CD55: variants seen among roughly 807,000 people sequenced by gnomAD.
CD55 encodes the protein CD55 molecule (Cromer blood group).
In CD55, 41 loss-of-function variants were observed where a neutral mutation model predicts 45.8. The observed-to-expected ratio is 0.90, with a 90% CI of 0.70 to 1.16. The LOEUF is 1.16. Among genes scored for constraint, CD55 ranks in the 50% most tolerant of loss-of-function variants. The pLI, the probability that CD55 is intolerant of heterozygous loss-of-function variation, is 0.00. For missense variants in CD55, 416 were observed against 469.8 expected, an observed-to-expected ratio of 0.89 and a Z score of 1.06; for synonymous variants, 181 against 181.1, an observed-to-expected ratio of 1.00 and a Z score of 0.01.
At position 207,337,373 on chromosome 1, in the gene CD55, G is replaced by T. The variant is rs1558150220; in HGVS notation, c.1024G>T (p.Glu342Ter). The T allele has an allele frequency of 6.2e-7, 1 of 1,611,430 alleles. No individual in the cohort carries two copies. The highest frequency in any genetic ancestry group is 1.7e-5 in the Admixed American group (1 of 59,998). Residue 342 changes from glutamate to a stop codon, truncating the protein, a stop_gained, in exon 8 of 10, where the codon GAA becomes TAA. Coordinates refer to ENST00000367064, the MANE Select transcript of CD55 (RefSeq NM_000574.5). LOFTEE classifies it high-confidence loss of function. ...PVSRTTKHFHETTPNKGSGTT... is the reference protein window; with the variant it reads ...PVSRTTKHFH The stretch of plus-strand genomic sequence containing the variant: ...TTCCAGGACAACCAAGCATTTTCAT[G>T]AAACAACCCCAAATAAAGGAAGTGG...
chr1:207,326,897 A>AT, intron 5 of CD55, 60 bp downstream of exon 5: 4 of 1,193,404 alleles, frequency 3.4e-6, no homozygotes, highest in Non-Finnish European at 5.0e-6. Flanking sequence ...TGATAAATTA[A>AT]TTTCTGCCCC....
At chr1:207,334,551 G>A (rs1483228812) in intron 6 of CD55, among the ~76,000 whole-genome samples, 3 of 152,090 alleles carry the variant, frequency 2.0e-5, no homozygotes, top group Admixed American at 6.6e-5. Context: ...ATAACAATGC[G>A]AAAGGCAGAA....
intron 2 of CD55, among the ~76,000 whole-genome samples, chr1:207,323,810 A>G (rs1654542908): frequency 6.6e-6 from 1 of 152,182 alleles, no homozygotes; most frequent in African/African-American, 2.4e-5. Flanking sequence ...ACTTTATCCA[A>G]TCCTCCAAAC....
intron 9 of CD55, among the ~76,000 whole-genome samples, chr1:207,357,489 C>T (rs894225585): frequency 7.0e-6 from 1 of 143,388 alleles, no homozygotes; most frequent in Non-Finnish European, 1.5e-5. Flanking sequence ...TATAAAGTAT[C>T]AATGTATAGA....
intron 5 of CD55, among the ~76,000 whole-genome samples, chr1:207,327,576 C>T (rs1654743262): frequency 6.6e-6 from 1 of 152,156 alleles, no homozygotes; most frequent in Non-Finnish European, 1.5e-5. Context: ...TGTAGGCTTG[C>T]TTTCTTTCCA....
intron 9 of CD55, among the ~76,000 whole-genome samples, chr1:207,353,301 G>C (rs1226760129): frequency 2.6e-5 from 4 of 152,026 alleles, no homozygotes; most frequent in Non-Finnish European, 5.9e-5. Flanking sequence ...GTCCTATACT[G>C]AGACATTCAT....
At position 207,359,554 on chromosome 1, in the gene CD55, TG is replaced by T. The variant is rs1381002292; in HGVS notation, c.1091del (p.Cys364PhefsTer4). 1 of 1,572,974 alleles carries T rather than the reference TG, an allele frequency of 6.4e-7. No individual in the cohort carries two copies. The highest frequency in any genetic ancestry group is 2.3e-5 in the East Asian group (1 of 43,574). ...GTTRLLSGHT[C>X]FTLTGLLGTL... is the part of the protein sequence containing the mutation. The stretch of plus-strand genomic sequence containing the variant: ...TTTTTTTTAATTTTCAGGGCACACG[TG>T]TTTCACGTTGACAGGTTTGCTTGGG... On this transcript the variant is annotated frameshift_variant, in exon 10 of 10. Coordinates refer to ENST00000367064, the MANE Select transcript of CD55 (RefSeq NM_000574.5). LOFTEE classifies it high-confidence loss of function.
At chr1:207,335,278 C>T (rs1331205499) in intron 6 of CD55, among the ~76,000 whole-genome samples, 1 of 152,132 alleles carries the variant, frequency 6.6e-6, no homozygotes, top group Non-Finnish European at 1.5e-5. Flanking sequence ...AACATATATA[C>T]ATATGAGACC....
intron 7 of CD55, chr1:207,337,032 C>T (rs950632048): frequency 7.9e-6 from 5 of 630,674 alleles, no homozygotes; most frequent in Non-Finnish European, 1.4e-5. Flanking sequence ...GCTACAGGAA[C>T]CCTACCAACT....
At chr1:207,343,326 TC>T (rs1474941745) in intron 9 of CD55, among the ~76,000 whole-genome samples, 2 of 152,150 alleles carry the variant, frequency 1.3e-5, no homozygotes, top group Non-Finnish European at 2.9e-5. Context: ...GCTGTAAACT[TC>T]CCTGTTAGCA....
intron 3 of CD55, among the ~76,000 whole-genome samples, chr1:207,325,396 A>G (rs1231042636): frequency 2.0e-5 from 3 of 152,050 alleles, no homozygotes; most frequent in Non-Finnish European, 2.9e-5. Context: ...ATGAATTTAC[A>G]TATATGTGCT....
intron 5 of CD55, among the ~76,000 whole-genome samples, chr1:207,328,217 T>C (rs1654773157): frequency 6.6e-6 from 1 of 152,216 alleles, no homozygotes; most frequent in Non-Finnish European, 1.5e-5. Flanking sequence ...TTTTCCTCCT[T>C]GACTCTTCTA....
In CD55 at chr1:207,348,601, T is replaced by A. The variant is rs145216385; in HGVS notation, c.1081+9184T>A. Among the ~76,000 whole-genome samples the A allele has an allele frequency of 3.5e-3, 531 of 152,370 alleles. 3 individuals are homozygous for A. The highest frequency in any genetic ancestry group is 4.6e-3 in the Non-Finnish European group (310 of 68,032). On this transcript the variant is annotated intron_variant, in intron 9 of 9. Coordinates refer to ENST00000367064, the MANE Select transcript of CD55 (RefSeq NM_000574.5). ...TATGTCCCACTTGTCAATTTTTGTT[T>A]TTGTTGCAATTGCTTTTGGAGACCT... is the stretch of plus-strand genomic sequence containing the variant.
intron 5 of CD55, among the ~76,000 whole-genome samples, chr1:207,330,902 GTCT>G (rs1654913443): frequency 1.3e-5 from 2 of 152,088 alleles, no homozygotes; most frequent in Admixed American, 1.3e-4. Context: ...GTTAGCATTT[GTCT>G]TCTACACCAT....
Position 207,321,774 on chromosome 1 carries a change from C to G in CD55, c.9C>G (p.Val3=). Residue 3 remains valine, a synonymous_variant, in exon 1 of 10, where the codon GTC becomes GTG. Transcript: ENST00000367064. ...TTCTAACCCGGCGCGCCATGACCGT[C>G]GCGCGGCCGAGCGTGCCCGCGGCGC... MT[V]ARPSVPAALP... The G allele has an allele frequency of 1.3e-6, 2 of 1,517,894 alleles. No homozygotes were observed. Among genetic ancestry groups the G allele is most frequent in the Non-Finnish European group, 1.8e-6 (2 of 1,139,270 alleles). 94.0% of individuals were successfully genotyped at this position (1,517,894 alleles called of 1,614,324 possible). A position where few individuals can be genotyped will look rare whatever the true frequency, so the allele number is the denominator to read the frequency against.
intron 9 of CD55, chr1:207,347,143 T>C (rs1655671934): frequency 2.2e-6 from 1 of 456,244 alleles, no homozygotes; most frequent in Non-Finnish European, 4.4e-6. Context: ...TTTCTCTCCA[T>C]GGAAGAGGAG....
At chr1:207,350,752 A>T (rs886072022) in intron 9 of CD55, among the ~76,000 whole-genome samples, 1 of 151,938 alleles carries the variant, frequency 6.6e-6, no homozygotes, top group African/African-American at 2.4e-5. Context: ...TCTCTTTATT[A>T]ATCTAGCTAG....
At chr1:207,339,033 T>C (rs1655304015) in intron 8 of CD55, among the ~76,000 whole-genome samples, 1 of 152,194 alleles carries the variant, frequency 6.6e-6, no homozygotes, top group African/African-American at 2.4e-5. Context: ...AGTCGTCTTA[T>C]AGTTTCTTGT....
chr1:207,336,405 C>G lies in CD55; in HGVS notation c.854-288C>G, dbSNP rs187843431. Among the ~76,000 whole-genome samples, 27 of 152,218 alleles carry G rather than the reference C, an allele frequency of 1.8e-4. No homozygotes were observed. In the East Asian group the frequency reaches 1.9e-3, roughly 11 times the overall value. ...ATAGAGATGTGCCACAGAATAAGAT[C>G]ACTAGTGACTCTTTGATTTGTTTAT... On this transcript the variant is annotated intron_variant, in intron 6 of 9. Transcript: ENST00000367064.
Sources: gnomAD v4.1 joint callset for allele counts (sites outside exome capture counted in the v4.1 genomes callset) on GRCh38, gnomAD v4.1.1 for gene constraint, MANE v1.5 for transcripts, NCBI Gene and HGNC (gene_info 2026-07-23, HGNC 2026-07-21) for gene names.